Variants in EEFSEC observed in about 807,000 individuals in gnomAD.
EEFSEC encodes selenocysteine-specific elongation factor.
A neutral mutation model predicts 42.1 loss-of-function variants in EEFSEC; 43 were observed. That is an observed-to-expected ratio of 1.02 (90% CI 0.80 to 1.32). EEFSEC has a LOEUF of 1.32. Ranked by LOEUF, EEFSEC falls within the 40% of genes most tolerant of loss-of-function variation. The pLI, the probability that EEFSEC is intolerant of heterozygous loss-of-function variation, is 0.00. For synonymous variants in EEFSEC, 354 were observed against 339.1 expected (o/e 1.04, Z -0.48); for missense variants, 745 against 803.6 (o/e 0.93, Z 0.88).
At chr3:128,207,820 G>C (rs980632641) in intron 1 of EEFSEC, among the ~76,000 whole-genome samples, 3 of 152,024 alleles carry the variant, frequency 2.0e-5, no homozygotes, top group African/African-American at 4.8e-5. Flanking sequence ...TAATAATCAC[G>C]GACCCCTGAG....
chr3:128,418,687 G>T, the EEFSEC span, among the ~76,000 whole-genome samples: 1 of 151,328 alleles, frequency 6.6e-6, no homozygotes, highest in African/African-American at 2.4e-5. Context: ...CCTTGACTGT[G>T]CTCAGCATCC....
intron 4 of EEFSEC, among the ~76,000 whole-genome samples, chr3:128,302,825 C>G (rs773702488): frequency 1.3e-5 from 2 of 152,118 alleles, no homozygotes; most frequent in Non-Finnish European, 2.9e-5. Flanking sequence ...ATTATACTCA[C>G]AAGAAATGGT....
At chr3:128,223,016 G>T (rs148132682) in intron 1 of EEFSEC, among the ~76,000 whole-genome samples, 8 of 152,318 alleles carry the variant, frequency 5.3e-5, no homozygotes, top group Non-Finnish European at 1.0e-4. Flanking sequence ...AGGCCTATGG[G>T]CCATATGATA....
chr3:128,222,177 G>T (rs1046356824), intron 1 of EEFSEC, among the ~76,000 whole-genome samples: 2 of 151,944 alleles, frequency 1.3e-5, no homozygotes, highest in Non-Finnish European at 2.9e-5. Flanking sequence ...GGGATTACAG[G>T]TGCACACCAC....
At chr3:128,231,404 A>C (rs2065957948) in intron 1 of EEFSEC, among the ~76,000 whole-genome samples, 1 of 152,132 alleles carries the variant, frequency 6.6e-6, no homozygotes, top group African/African-American at 2.4e-5. Flanking sequence ...TGAATTGCAC[A>C]GATCTTTGTA....
At chr3:128,195,665 T>C (rs2065576979) in intron 1 of EEFSEC, among the ~76,000 whole-genome samples, 2 of 152,214 alleles carry the variant, frequency 1.3e-5, no homozygotes, top group African/African-American at 2.4e-5. Flanking sequence ...AGTGTAGTTA[T>C]TGCATAAGTG....
chr3:128,155,103 T>C (rs1400955259), intron 1 of EEFSEC, among the ~76,000 whole-genome samples: 9 of 150,716 alleles, frequency 6.0e-5, no homozygotes, highest in African/African-American at 2.2e-4. Context: ...AAAGACCCGT[T>C]TTTTGTTTTT....
intron 4 of EEFSEC, among the ~76,000 whole-genome samples, chr3:128,335,345 C>A (rs2067178175): frequency 6.6e-6 from 1 of 152,136 alleles, no homozygotes; most frequent in Non-Finnish European, 1.5e-5. Context: ...CAGGGATAGG[C>A]CAATGCCTGT....
chr3:128,168,085 G>T (rs2065259029), intron 1 of EEFSEC, among the ~76,000 whole-genome samples: 1 of 152,198 alleles, frequency 6.6e-6, no homozygotes, highest in Non-Finnish European at 1.5e-5. Context: ...TTGAGGAAGG[G>T]TATTAATTCA....
At position 128,346,228 on chromosome 3, in the gene EEFSEC, A is replaced by G. The variant is rs534024107; in HGVS notation, c.1443+4339A>G. ...AACAACTGCTCTTGCTCCAAATCTA[A>G]TAATCTTAAACAAGCTTATTTTCTC... On this transcript the variant is annotated intron_variant, in intron 5 of 6. Coordinates refer to ENST00000254730, the MANE Select transcript of EEFSEC (RefSeq NM_021937.5). Among the ~76,000 whole-genome samples, 7 of 152,328 alleles carry G rather than the reference A, an allele frequency of 4.6e-5. No homozygotes were observed. In the South Asian group the frequency reaches 1.0e-3, roughly 23 times the overall value.
At chr3:128,367,527 A>G (rs1400814035) in intron 6 of EEFSEC, among the ~76,000 whole-genome samples, 2 of 152,212 alleles carry the variant, frequency 1.3e-5, no homozygotes, top group Admixed American at 1.3e-4. Flanking sequence ...GCATCGAACC[A>G]GCCACCTGCT....
At chr3:128,412,873 G>T (rs1324360808), downstream of EEFSEC, among the ~76,000 whole-genome samples, 1 of 152,186 alleles carries the variant, frequency 6.6e-6, no homozygotes, top group Non-Finnish European at 1.5e-5. Flanking sequence ...GATGCTCGGG[G>T]AGGTGATGGG....
At chr3:128,209,922 C>A (rs977505970) in intron 1 of EEFSEC, among the ~76,000 whole-genome samples, 3 of 152,230 alleles carry the variant, frequency 2.0e-5, no homozygotes, top group African/African-American at 2.4e-5. Context: ...AATGCCAGAT[C>A]TGTGTGCCAT....
rs141352257 is a variant in EEFSEC at position 128,160,390 on chromosome 3, G to A, written c.316+6567G>A. On this transcript the variant is annotated intron_variant, in intron 1 of 6. Transcript: ENST00000254730. Reference sequence around the variant, plus strand: ...GCATGGCTGGAAATCGGCGTGGTGTGTGGGAGGTGTGCTAAAGATGAAGCT... The same window carrying A: ...GCATGGCTGGAAATCGGCGTGGTGTATGGGAGGTGTGCTAAAGATGAAGCT... 1.8e-4 allele frequency among the ~76,000 whole-genome samples: 28 copies of A among 152,382 alleles called. No individual in the cohort carries two copies. The East Asian group carries it at 4.4e-3, about 24-fold the overall frequency.
intron 1 of EEFSEC, among the ~76,000 whole-genome samples, chr3:128,235,082 T>G (rs2107873678): frequency 6.6e-6 from 1 of 152,328 alleles, no homozygotes; most frequent in South Asian, 2.1e-4. Flanking sequence ...TTTATTTTTT[T>G]GAGGCAGGGT....
At chr3:128,293,712 A>G (rs1576614484) in intron 4 of EEFSEC, among the ~76,000 whole-genome samples, 1 of 150,966 alleles carries the variant, frequency 6.6e-6, no homozygotes, top group East Asian at 1.9e-4. Context: ...TCACATTAAT[A>G]ACCCGAGCCA....
intron 4 of EEFSEC, 40 bp downstream of exon 4, chr3:128,264,821 G>A: frequency 6.3e-7 from 1 of 1,591,088 alleles, no homozygotes; most frequent in Non-Finnish European, 8.6e-7. Context: ...CTCCTCGCTG[G>A]CAGCAAGGGA....
chr3:128,353,581 C>T (rs1469197126), intron 5 of EEFSEC, among the ~76,000 whole-genome samples: 2 of 152,252 alleles, frequency 1.3e-5, no homozygotes, highest in East Asian at 3.8e-4. Flanking sequence ...CCCAGTGCCC[C>T]TGGGCCGGAC....
intron 1 of EEFSEC, among the ~76,000 whole-genome samples, chr3:128,211,613 T>A (rs2065756715): frequency 6.6e-6 from 1 of 151,742 alleles, no homozygotes; most frequent in Admixed American, 6.6e-5. Context: ...CCTCCCTGGT[T>A]CAAGTGATTC....
Sources: gnomAD v4.1 joint callset for allele counts (sites outside exome capture counted in the v4.1 genomes callset) on GRCh38, gnomAD v4.1.1 for gene constraint, MANE v1.5 for transcripts, NCBI Gene and HGNC (gene_info 2026-07-23, HGNC 2026-07-21) for gene names.